The following DGKH variants were observed in gnomAD, a reference collection of about 807,000 sequenced individuals.
The protein encoded by DGKH is diacylglycerol kinase eta, also known as DAG kinase eta.
In DGKH, 90 loss-of-function variants were observed where a neutral mutation model predicts 159.3. That is an observed-to-expected ratio of 0.57 (90% CI 0.48 to 0.67). DGKH has a LOEUF of 0.67. Among genes scored for constraint, DGKH ranks in the 30% least tolerant of loss-of-function variants. The probability of loss-of-function intolerance (pLI) is 0.00; values close to 1 mark genes in which losing one functional copy is unlikely to be tolerated. For missense variants in DGKH, 1,181 were observed against 1,506.1 expected (o/e 0.78, Z 3.57); for synonymous variants, 536 against 553.8 (o/e 0.97, Z 0.45).
intron 29 of DGKH, among the ~76,000 whole-genome samples, chr13:42,225,911 G>A (rs1292190323): frequency 3.3e-5 from 5 of 151,640 alleles, no homozygotes; most frequent in South Asian, 4.2e-4. Context: ...AAACTAAAAC[G>A]TCAAAAGCAA....
chr13:42,178,831 T>TG (rs1444094499), intron 13 of DGKH, among the ~76,000 whole-genome samples: 1 of 152,140 alleles, frequency 6.6e-6, no homozygotes, highest in Non-Finnish European at 1.5e-5. Context: ...GAAGAAGGGG[T>TG]GACACCAACT....
intron 24 of DGKH, 36 bp downstream of exon 24, chr13:42,210,801 C>G: frequency 6.3e-7 from 1 of 1,579,604 alleles, no homozygotes. Context: ...GCTGTGGGAA[C>G]TGTGGTCTCA....
chr13:42,075,187 C>T (rs189308565), intron 1 of DGKH, among the ~76,000 whole-genome samples: 36 of 152,142 alleles, frequency 2.4e-4, no homozygotes, highest in East Asian at 7.7e-4. Flanking sequence ...CTGTGTTAGT[C>T]GTGTTTCTGC....
At chr13:42,138,229 G>A in intron 3 of DGKH, 1 of 518,902 alleles carries the variant, frequency 1.9e-6, no homozygotes, top group Non-Finnish European at 2.5e-6. Context: ...AATAGGCAAA[G>A]AAGAGTGGAT....
intron 3 of DGKH, among the ~76,000 whole-genome samples, chr13:42,146,126 G>A (rs1955722324): frequency 6.9e-6 from 1 of 144,540 alleles, no homozygotes; most frequent in Admixed American, 6.9e-5. Flanking sequence ...TGGAGCCTTT[G>A]TAAGAGTTCA....
At position 42,178,353 on chromosome 13, in the gene DGKH, T is replaced by TATAATCAAATAA. The variant is rs1956659829; in HGVS notation, c.1538+134_1538+135insTAATCAAATAAA. On this transcript the variant is annotated intron_variant, in intron 13 of 29. Transcript: ENST00000337343. Reference sequence around the variant, plus strand: ...AAGTAGCTTATAAAATTAGATGTACTAAATTTGAATTGATTTTTAAAAATC... The same window carrying TATAATCAAATAA: ...AAGTAGCTTATAAAATTAGATGTACTATAATCAAATAAAAATTTGAATTGATTTTTAAAAATC... The TATAATCAAATAA allele has an allele frequency of 8.2e-6, 5 of 606,156 alleles. No homozygotes were observed. The Admixed American group carries it at 1.6e-4, about 20-fold the overall frequency. The allele number at this position is 606,156 out of a possible 1,614,324, so 37.5% of individuals were successfully genotyped here.
Position 42,127,586 on chromosome 13 carries a change from A to T in DGKH, c.303+13A>T. ...AAAGGACTCAAAGGTAACTCACGAG[A>T]ATACTAGTTTCAAGCAATTGAGGCT... On this transcript the variant is annotated intron_variant, in intron 2 of 29. Transcript: ENST00000337343. 2 of 1,609,742 alleles carry T rather than the reference A, an allele frequency of 1.2e-6. No individual in the cohort carries two copies. The highest frequency in any genetic ancestry group is 1.7e-6 in the Non-Finnish European group (2 of 1,177,026).
intron 7 of DGKH, among the ~76,000 whole-genome samples, chr13:42,163,929 T>C (rs1956253300): frequency 6.6e-6 from 1 of 152,216 alleles, no homozygotes; most frequent in South Asian, 2.1e-4. Flanking sequence ...AGACATGAAG[T>C]CCTTGCCCAT....
intron 16 of DGKH, among the ~76,000 whole-genome samples, chr13:42,192,087 C>T (rs1337469161): frequency 6.6e-6 from 1 of 152,130 alleles, no homozygotes; most frequent in Admixed American, 6.6e-5. Flanking sequence ...TGTTCACTGT[C>T]ATCTTTATTG....
chr13:42,100,349 T>C (rs1954629685), intron 1 of DGKH, among the ~76,000 whole-genome samples: 1 of 152,182 alleles, frequency 6.6e-6, no homozygotes, highest in Admixed American at 6.5e-5. Context: ...GATTGTACAT[T>C]ATGGTGAGTT....
At chr13:42,217,562 A>G (rs906762628) in intron 26 of DGKH, among the ~76,000 whole-genome samples, 18 of 152,074 alleles carry the variant, frequency 1.2e-4, no homozygotes, top group African/African-American at 4.1e-4. Flanking sequence ...CGTATTTTTA[A>G]TCACTACTAG....
chr13:42,169,534 C>T (rs543898774), intron 11 of DGKH, among the ~76,000 whole-genome samples: 1 of 152,232 alleles, frequency 6.6e-6, no homozygotes, highest in South Asian at 2.1e-4. Flanking sequence ...ACTCCCCAAC[C>T]CCCAATGTCA....
chr13:42,199,951 T>A, intron 20 of DGKH, 42 bp downstream of exon 20: 1 of 1,510,080 alleles, frequency 6.6e-7, no homozygotes, highest in Non-Finnish European at 8.9e-7. Flanking sequence ...ATTATCTTAC[T>A]TAAAAAAAAT....
upstream of DGKH, chr13:42,043,997 G>A (rs1009682211): frequency 1.3e-5 from 2 of 152,020 alleles, no homozygotes; most frequent in African/African-American, 4.8e-5. Flanking sequence ...CCCCATGCCG[G>A]GCTAATTTTG....
At chr13:42,101,148 A>C (rs774624016) in intron 1 of DGKH, among the ~76,000 whole-genome samples, 1 of 152,142 alleles carries the variant, frequency 6.6e-6, no homozygotes, top group African/African-American at 2.4e-5. Context: ...TCCTTCTGCA[A>C]TGCACACACC....
At chr13:42,123,458 C>G (rs1299797397) in intron 1 of DGKH, among the ~76,000 whole-genome samples, 1 of 151,686 alleles carries the variant, frequency 6.6e-6, no homozygotes, top group Non-Finnish European at 1.5e-5. Flanking sequence ...TTAGATTTGA[C>G]ATGATTCATA....
chr13:42,142,692 C>G (rs1425918799), intron 3 of DGKH, among the ~76,000 whole-genome samples: 5 of 151,994 alleles, frequency 3.3e-5, no homozygotes, highest in African/African-American at 1.2e-4. Flanking sequence ...ATTTGGCTCT[C>G]TGTTTGTCTG....
intron 3 of DGKH, among the ~76,000 whole-genome samples, chr13:42,142,073 T>C (rs1435908119): frequency 6.6e-6 from 1 of 151,810 alleles, no homozygotes; most frequent in African/African-American, 2.4e-5. Flanking sequence ...AATTTTTGTA[T>C]AAGGTGTAAG....
chr13:42,109,861 T>C (rs888976316), intron 1 of DGKH, among the ~76,000 whole-genome samples: 33 of 152,240 alleles, frequency 2.2e-4, no homozygotes, highest in Admixed American at 7.2e-4. Flanking sequence ...CTACTAGAAC[T>C]GGGTTATCCT....
Sources: allele counts gnomAD v4.1 joint callset (sites outside exome capture counted in the v4.1 genomes callset), GRCh38; gene constraint gnomAD v4.1.1; transcripts MANE v1.5; gene names NCBI Gene and HGNC (gene_info 2026-07-23, HGNC 2026-07-21).